PACRG: variants seen among roughly 807,000 people sequenced by gnomAD.
The protein encoded by PACRG is parkin coregulated gene protein.
Under a neutral mutation model 29.7 loss-of-function variants are expected in PACRG, and 29 were observed. That is an observed-to-expected ratio of 0.98 (90% confidence interval 0.73 to 1.33). The LOEUF is 1.33. PACRG is among the 40% of genes most tolerant of loss of function. The pLI, the probability that PACRG is intolerant of heterozygous loss-of-function variation, is 0.00. For missense variants in PACRG, 279 were observed against 316.2 expected (o/e 0.88, Z 0.89); for synonymous variants, 116 against 118.7 (o/e 0.98, Z 0.15).
At chr6:162,845,823 T>G (rs999405015) in intron 2 of PACRG, among the ~76,000 whole-genome samples, 5 of 152,244 alleles carry the variant, frequency 3.3e-5, no homozygotes, top group Admixed American at 2.6e-4. Context: ...AATCTCTGAA[T>G]TTTCATTTGT....
chr6:162,750,077 A>G (rs1781404431), intron 1 of PACRG, among the ~76,000 whole-genome samples: 1 of 152,166 alleles, frequency 6.6e-6, no homozygotes, highest in Non-Finnish European at 1.5e-5. Flanking sequence ...ACAAACTATG[A>G]TAGTACTTAA....
chr6:163,042,954 T>C (rs1351140500), intron 2 of PACRG: 1 of 152,234 alleles, frequency 6.6e-6, no homozygotes, highest in Non-Finnish European at 1.5e-5. Flanking sequence ...ATTATTGTAA[T>C]ACAAAAGAAG....
At chr6:163,196,184 G>A (rs985571156) in intron 4 of PACRG, among the ~76,000 whole-genome samples, 4 of 152,240 alleles carry the variant, frequency 2.6e-5, no homozygotes. Flanking sequence ...TAGGGAAGTA[G>A]AACCGTGCCC....
At chr6:163,025,198 A>T (rs536766266) in intron 2 of PACRG, among the ~76,000 whole-genome samples, 4 of 152,194 alleles carry the variant, frequency 2.6e-5, no homozygotes, top group Non-Finnish European at 4.4e-5. Context: ...CCACTCTTAC[A>T]AATCCTATTC....
chr6:163,264,386 C>A (rs1017683499), intron 4 of PACRG, among the ~76,000 whole-genome samples: 2 of 152,210 alleles, frequency 1.3e-5, no homozygotes, highest in Non-Finnish European at 2.9e-5. Flanking sequence ...GCATCCACTG[C>A]GCACTGCTCT....
chr6:162,984,334 A>G (rs777440402), intron 2 of PACRG, among the ~76,000 whole-genome samples: 1 of 152,012 alleles, frequency 6.6e-6, no homozygotes, highest in Non-Finnish European at 1.5e-5. Context: ...TCCAGGTTGC[A>G]GTGAATGCCA....
At chr6:163,290,733 G>A (rs546113319) in intron 4 of PACRG, among the ~76,000 whole-genome samples, 4 of 152,348 alleles carry the variant, frequency 2.6e-5, no homozygotes, top group South Asian at 2.1e-4. Flanking sequence ...TGTTAGCACT[G>A]TCGCTATTAC....
At chr6:163,196,797 TAGAC>T (rs749350609) in intron 4 of PACRG, among the ~76,000 whole-genome samples, 24 of 151,620 alleles carry the variant, frequency 1.6e-4, no homozygotes, top group African/African-American at 2.9e-4. Flanking sequence ...ACAGAAAGAC[TAGAC>T]AGACAGACAG....
chr6:162,730,152 G>A (rs892295718), intron 1 of PACRG, among the ~76,000 whole-genome samples: 1 of 151,206 alleles, frequency 6.6e-6, no homozygotes, highest in Non-Finnish European at 1.5e-5. Flanking sequence ...TTAGTACTCC[G>A]AGGAAAACCA....
At chr6:162,903,482 G>T (rs1400334597) in intron 2 of PACRG, among the ~76,000 whole-genome samples, 1 of 152,166 alleles carries the variant, frequency 6.6e-6, no homozygotes, top group African/African-American at 2.4e-5. Flanking sequence ...AATCATGGCA[G>T]AAGGTGAAAG....
intron 4 of PACRG, among the ~76,000 whole-genome samples, chr6:163,116,467 G>A (rs115203728): frequency 0.01 from 1,582 of 152,284 alleles, 31 homozygotes; most frequent in African/African-American, 0.037. Flanking sequence ...TGGGGGGGAT[G>A]TGTCTGGGTG....
At chr6:162,913,234 T>A (rs1283048789) in intron 2 of PACRG, among the ~76,000 whole-genome samples, 3 of 152,188 alleles carry the variant, frequency 2.0e-5, no homozygotes, top group Non-Finnish European at 4.4e-5. Flanking sequence ...CAACATCCCA[T>A]GGTCCCAAGC....
At chr6:163,157,120 C>T (rs1778357400) in intron 4 of PACRG, among the ~76,000 whole-genome samples, 1 of 152,218 alleles carries the variant, frequency 6.6e-6, no homozygotes, top group Non-Finnish European at 1.5e-5. Context: ...CACATCTCTT[C>T]TCCTACTGAC....
At chr6:162,997,248 T>C (rs1375634998) in intron 2 of PACRG, among the ~76,000 whole-genome samples, 3 of 152,202 alleles carry the variant, frequency 2.0e-5, no homozygotes, top group Non-Finnish European at 4.4e-5. Context: ...CCCTAAAGAT[T>C]TGTTTGCCCT....
intron 2 of PACRG, among the ~76,000 whole-genome samples, chr6:162,874,865 TCA>T (rs934126114): frequency 5.3e-5 from 8 of 151,792 alleles, no homozygotes; most frequent in South Asian, 2.1e-4. Flanking sequence ...ACACAGATTC[TCA>T]CACTCACACA....
intron 2 of PACRG, among the ~76,000 whole-genome samples, chr6:162,889,401 GTTTTAC>G (rs1482255679): frequency 6.6e-6 from 1 of 152,106 alleles, no homozygotes; most frequent in Non-Finnish European, 1.5e-5. Flanking sequence ...AAATAGAAGT[GTTTTAC>G]TTCAAACTAT....
intron 3 of PACRG, among the ~76,000 whole-genome samples, chr6:163,078,160 A>G (rs1046270439): frequency 6.6e-5 from 10 of 152,208 alleles, no homozygotes; most frequent in Non-Finnish European, 1.0e-4. Flanking sequence ...CATAACTGCT[A>G]TCGTCCAAGT....
chr6:163,072,300 G>A (rs1259295783), intron 3 of PACRG, among the ~76,000 whole-genome samples: 1 of 151,508 alleles, frequency 6.6e-6, no homozygotes, highest in Non-Finnish European at 1.5e-5. Flanking sequence ...TATATGCAAA[G>A]CAATCAATGT....
At chr6:162,948,848 TC>T (rs1401119359) in intron 2 of PACRG, among the ~76,000 whole-genome samples, 6 of 151,902 alleles carry the variant, frequency 3.9e-5, no homozygotes, top group Non-Finnish European at 7.4e-5. Flanking sequence ...ATCATCTTAC[TC>T]CAGTGAAAAA....
Sources: gnomAD v4.1 joint callset for allele counts (sites outside exome capture counted in the v4.1 genomes callset) on GRCh38, gnomAD v4.1.1 for gene constraint, MANE v1.5 for transcripts, NCBI Gene and HGNC (gene_info 2026-07-23, HGNC 2026-07-21) for gene names.